MUSK: variants seen among roughly 807,000 people sequenced by gnomAD.
MUSK encodes muscle associated receptor tyrosine kinase.
MUSK carries 55 observed loss-of-function variants against 88.7 expected under a neutral mutation model. The ratio of observed to expected loss-of-function variants is 0.62; its 90% CI spans 0.50 to 0.78. The LOEUF is 0.78. MUSK is among the 30% of genes least tolerant of loss of function. The pLI is 0.00. For synonymous variants in MUSK, 387 were observed against 391.9 expected (o/e 0.99, Z 0.15); for missense variants, 1,015 against 1,074.3 (o/e 0.94, Z 0.77).
At chr9:110,686,210 A>G (rs893884886) in intron 2 of MUSK, among the ~76,000 whole-genome samples, 1 of 152,040 alleles carries the variant, frequency 6.6e-6, no homozygotes, top group Non-Finnish European at 1.5e-5. Context: ...AAGTCTAGCA[A>G]TGGCACTACT....
At chr9:110,674,193 C>G (rs1175602854) in intron 1 of MUSK, among the ~76,000 whole-genome samples, 1 of 152,086 alleles carries the variant, frequency 6.6e-6, no homozygotes. Flanking sequence ...ATAATGAGCA[C>G]TGAGTTGGGA....
In MUSK at chr9:110,771,837, T is replaced by G. The variant is rs1426668291; in HGVS notation, c.1184+3754T>G. On this transcript the variant is annotated intron_variant, in intron 9 of 14. Transcript: ENST00000374448. The stretch of plus-strand genomic sequence containing the variant: ...AACCAAATAATTTATTCCTGCAATT[T>G]GTAGTTTATTCCAATTTTGTTTGGT... 3.3e-5 allele frequency among the ~76,000 whole-genome samples: 5 copies of G among 152,186 alleles called. No homozygotes were observed. The South Asian group carries it at 1.0e-3, about 31-fold the overall frequency.
At chr9:110,789,517 G>A (rs928332968) in intron 14 of MUSK, among the ~76,000 whole-genome samples, 2 of 152,150 alleles carry the variant, frequency 1.3e-5, no homozygotes, top group African/African-American at 2.4e-5. Context: ...TGTGGCTCAC[G>A]CCTGTAATTT....
At chr9:110,776,495 C>T (rs1191293275) in intron 10 of MUSK, 137 bp from the exon 11 acceptor site, 5 of 703,622 alleles carry the variant, frequency 7.1e-6, no homozygotes, top group East Asian at 5.3e-5. Flanking sequence ...CTTTCACATT[C>T]GAATGCAAAG....
chr9:110,755,937 TATATATATATATACAC>T lies in MUSK; in HGVS notation c.914-6253_914-6238del, dbSNP rs1421506104. 9.7e-4 allele frequency among the ~76,000 whole-genome samples: 86 copies of T among 88,372 alleles called. 2 individuals carry two copies. The highest frequency in any genetic ancestry group is 4.6e-3 in the African/African-American group (86 of 18,880). The allele number at this position is 88,372 out of a possible 152,430, so 58.0% of individuals were successfully genotyped here. ...GCCCAGTGCCATATATATATACATA[TATATATATATATACAC>T]ATATATATATACATATATATATATA... On this transcript the variant is annotated intron_variant, in intron 7 of 14. Transcript: ENST00000374448.
chr9:110,673,954 C>A (rs987473818), intron 1 of MUSK, among the ~76,000 whole-genome samples: 3 of 152,024 alleles, frequency 2.0e-5, no homozygotes, highest in African/African-American at 7.3e-5. Flanking sequence ...GCTATTTTTA[C>A]TTAGCACTAA....
intron 3 of MUSK, among the ~76,000 whole-genome samples, chr9:110,690,236 A>T (rs1564219538): frequency 1.3e-5 from 1 of 74,326 alleles, no homozygotes; most frequent in Non-Finnish European, 2.3e-5. Context: ...ATATATATTT[A>T]AGTATATATA....
In MUSK at chr9:110,689,728, A is replaced by AAATATATATATAT. The variant is rs1564217925; in HGVS notation, c.358+2460_358+2461insAATATATATATAT. ...ATATATAACTATATATGTTATATAT[A>AAATATATATATAT]GTTTATATATAATATTATATATTAT... On this transcript the variant is annotated intron_variant, in intron 3 of 14. Transcript: ENST00000374448. Among the ~76,000 whole-genome samples, 151 of 77,306 alleles carry AAATATATATATAT rather than the reference A, an allele frequency of 2.0e-3. 4 individuals carry two copies. The highest frequency in any genetic ancestry group is 9.6e-3 in the African/African-American group (142 of 14,772). The allele number at this position is 77,306 out of a possible 152,430, so 50.7% of individuals were successfully genotyped here.
intron 1 of MUSK, among the ~76,000 whole-genome samples, chr9:110,672,448 C>T (rs2075971108): frequency 6.6e-6 from 1 of 152,044 alleles, no homozygotes; most frequent in Non-Finnish European, 1.5e-5. Context: ...GCTATGTGAA[C>T]ATAGGGTAGG....
chr9:110,678,627 T>TAA, intron 1 of MUSK, among the ~76,000 whole-genome samples: 1 of 152,198 alleles, frequency 6.6e-6, no homozygotes. Flanking sequence ...ATTTTGTTTT[T>TAA]AAAATTCTTA....
chr9:110,786,168 A>G lies in MUSK; in HGVS notation c.1778+450A>G, dbSNP rs184212132. Among the ~76,000 whole-genome samples the G allele has an allele frequency of 9.0e-4, 136 of 151,456 alleles. 1 individual carries two copies. Among genetic ancestry groups the G allele is most frequent in the African/African-American group, 2.9e-3 (120 of 41,402 alleles). On this transcript the variant is annotated intron_variant, in intron 13 of 14. Coordinates refer to ENST00000374448, the MANE Select transcript of MUSK (RefSeq NM_005592.4). ...TCTACTAAAAATACAAAATTGAGCCAGGCATGGTGGTGCACAACTGTAGTC... is the reference window on the plus strand; with the variant it reads ...TCTACTAAAAATACAAAATTGAGCCGGGCATGGTGGTGCACAACTGTAGTC...
rs556149788 is a variant in MUSK at position 110,679,914 on chromosome 9, C to G, written c.80-2760C>G. Among the ~76,000 whole-genome samples the G allele has an allele frequency of 6.6e-5, 10 of 152,120 alleles. No homozygotes were observed. In the South Asian group the frequency reaches 2.1e-3, roughly 32 times the overall value. ...ATAGTTGTTTGTCTAGAATTTAATT[C>G]CACTCTTTTTAAACACAAAAATTTG... On this transcript the variant is annotated intron_variant, in intron 1 of 14. Coordinates refer to ENST00000374448, the MANE Select transcript of MUSK (RefSeq NM_005592.4).
chr9:110,689,284 T>A (rs1288035779), intron 3 of MUSK, among the ~76,000 whole-genome samples: 6 of 118,096 alleles, frequency 5.1e-5, no homozygotes, highest in Non-Finnish European at 9.6e-5. Flanking sequence ...TATTTATATA[T>A]AAATATATAG....
At chr9:110,746,184 T>A (rs1240976651) in intron 6 of MUSK, among the ~76,000 whole-genome samples, 4 of 152,208 alleles carry the variant, frequency 2.6e-5, no homozygotes, top group African/African-American at 9.6e-5. Flanking sequence ...ATTCCTTAAC[T>A]GTCATTTCAC....
chr9:110,766,645 T>G (rs187789434), intron 8 of MUSK, among the ~76,000 whole-genome samples: 1 of 152,230 alleles, frequency 6.6e-6, no homozygotes, highest in Non-Finnish European at 1.5e-5. Context: ...ATTAATTTTT[T>G]AAATTCAATT....
At chr9:110,683,119 C>G (rs1175247120) in intron 2 of MUSK, among the ~76,000 whole-genome samples, 1 of 152,012 alleles carries the variant, frequency 6.6e-6, no homozygotes, top group Non-Finnish European at 1.5e-5. Context: ...CCTACTCCCC[C>G]CGATCCCTGT....
At chr9:110,719,253 T>C (rs997085637) in intron 5 of MUSK, among the ~76,000 whole-genome samples, 5 of 152,060 alleles carry the variant, frequency 3.3e-5, no homozygotes, top group Admixed American at 3.3e-4. Context: ...TAACGTGGAA[T>C]GTAAATGGCC....
chr9:110,704,124 T>C (rs1419002113), intron 5 of MUSK, among the ~76,000 whole-genome samples: 1 of 152,228 alleles, frequency 6.6e-6, no homozygotes, highest in Non-Finnish European at 1.5e-5. Context: ...AAAATGTATA[T>C]AGATTTGTCT....
In MUSK at chr9:110,747,313, C is replaced by T. The variant is rs115159553; in HGVS notation, c.754-328C>T. Among the ~76,000 whole-genome samples the T allele has an allele frequency of 7.3e-3, 1,118 of 152,294 alleles. 12 individuals carry two copies. The highest frequency in any genetic ancestry group is 0.026 in the African/African-American group (1,064 of 41,556). Reference sequence around the variant, plus strand: ...TGTGTTTCATCTTCTACCATGCTGGCTCTTGCTTGTTTATAGGCAGTCCCA... The same window carrying T: ...TGTGTTTCATCTTCTACCATGCTGGTTCTTGCTTGTTTATAGGCAGTCCCA... On this transcript the variant is annotated intron_variant, in intron 6 of 14. Coordinates refer to ENST00000374448, the MANE Select transcript of MUSK (RefSeq NM_005592.4).
Sources: allele counts gnomAD v4.1 joint callset (sites outside exome capture counted in the v4.1 genomes callset), GRCh38; gene constraint gnomAD v4.1.1; transcripts MANE v1.5; gene names NCBI Gene and HGNC (gene_info 2026-07-23, HGNC 2026-07-21).